STAG2: variants seen among roughly 807,000 people sequenced by gnomAD.
The protein encoded by STAG2 is STAG2 cohesin complex component, also known as cohesin subunit SA-2.
STAG2 carries 14 observed loss-of-function variants against 108.1 expected under a neutral mutation model. The ratio of observed to expected loss-of-function variants is 0.13; its 90% CI spans 0.09 to 0.20. STAG2 has a LOEUF of 0.20. STAG2 is among the 10% of genes least tolerant of loss of function. The pLI, the probability that STAG2 is intolerant of heterozygous loss-of-function variation, is 1.00. For missense variants in STAG2, 440 were observed against 940.9 expected (o/e 0.47, Z 6.96); for synonymous variants, 307 against 302.7 (o/e 1.01, Z -0.15).
At chrX:123,981,275 G>A (rs1417984059) in intron 1 of STAG2, among the ~76,000 whole-genome samples, 2 of 110,208 alleles carry the variant, frequency 1.8e-5, no homozygotes, top group Non-Finnish European at 3.8e-5. Flanking sequence ...TAATAAAACT[G>A]TACCCATTAA....
intron 32 of STAG2, among the ~76,000 whole-genome samples, chrX:124,093,212 T>G (rs2059296368): frequency 8.9e-6 from 1 of 111,787 alleles, no homozygotes. Flanking sequence ...ACTTTTGGTC[T>G]TAGTTTTTCA....
At chrX:123,980,284 G>A (rs184461606) in intron 1 of STAG2, among the ~76,000 whole-genome samples, 1 of 110,764 alleles carries the variant, frequency 9.0e-6, no homozygotes, top group East Asian at 2.8e-4. Flanking sequence ...TTTTGGTGGG[G>A]GTACTTAGAA....
At position 124,045,161 on chromosome X, in the gene STAG2, T is replaced by C. The variant is rs770545371; in HGVS notation, c.463-3T>C. The C allele has an allele frequency of 5.0e-6, 6 of 1,208,638 alleles. No individual in the cohort carries two copies. Among genetic ancestry groups the C allele is most frequent in the South Asian group, 3.5e-5 (2 of 56,692 alleles). ...AAATTGCTGTTTTAAATTTTTGTTT[T>C]AGGATAGTGGAGATTATCCACTTAC... On this transcript the variant is annotated splice_polypyrimidine_tract_variant and splice_region_variant and intron_variant, in intron 7 of 34. Transcript: ENST00000371145.
At chrX:124,050,533 T>G (rs1230743966) in intron 11 of STAG2, among the ~76,000 whole-genome samples, 1 of 111,685 alleles carries the variant, frequency 9.0e-6, no homozygotes, top group Non-Finnish European at 1.9e-5. Context: ...GTGAATCATT[T>G]TTTTGCTGAA....
intron 1 of STAG2, among the ~76,000 whole-genome samples, chrX:123,984,107 G>GTAGC (rs1320296758): frequency 9.4e-6 from 1 of 106,093 alleles, no homozygotes; most frequent in African/African-American, 3.5e-5. Context: ...GCCTTCCTGA[G>GTAGC]TAGCTGGGAT....
chrX:124,063,898 A>G lies in STAG2; in HGVS notation c.1872A>G (p.Thr624=), dbSNP rs2148326087. Residue 624 remains threonine, a synonymous_variant, in exon 20 of 35, where the codon ACA becomes ACG. Transcript: ENST00000371145. ...RQIRNIVEKH[T]DTDVLEACSK... ...TCCGGAATATTGTAGAGAAGCACAC[A>G]GATACAGATGTTTTGGAAGCATGTT... 8.3e-7 allele frequency: 1 copy of G among 1,211,219 alleles called. No homozygotes were observed. Among genetic ancestry groups the G allele is most frequent in the Non-Finnish European group, 1.1e-6 (1 of 894,946 alleles).
At chrX:124,018,662 G>C (rs1475116152) in intron 1 of STAG2, among the ~76,000 whole-genome samples, 1 of 110,389 alleles carries the variant, frequency 9.1e-6, no homozygotes, top group African/African-American at 3.3e-5. Context: ...CATCATGCCC[G>C]GCTGATTTTT....
chrX:124,043,388 T>C (rs1197921880), intron 7 of STAG2, among the ~76,000 whole-genome samples: 3 of 111,042 alleles, frequency 2.7e-5, no homozygotes, highest in African/African-American at 9.8e-5. Flanking sequence ...TTACCTCAAG[T>C]GACCCGCCCA....
Position 124,010,405 on chromosome X carries a change from T to A in STAG2, c.-162-10962T>A, listed in dbSNP as rs2056484562. Reference sequence around the variant, plus strand: ...TTGTCTTTTTTGTGACTAGCTTATTTCAGTTAGCATAATGCCCTTAGGGTC... The same window carrying A: ...TTGTCTTTTTTGTGACTAGCTTATTACAGTTAGCATAATGCCCTTAGGGTC... On this transcript the variant is annotated intron_variant, in intron 1 of 34. Coordinates refer to ENST00000371145, the MANE Select transcript of STAG2 (RefSeq NM_001042750.2). Among the ~76,000 whole-genome samples the A allele has an allele frequency of 2.7e-5, 3 of 111,918 alleles. No homozygotes were observed. In the South Asian group the frequency reaches 1.1e-3, roughly 41 times the overall value.
intron 24 of STAG2, among the ~76,000 whole-genome samples, chrX:124,070,668 T>C (rs1373018244): frequency 1.8e-5 from 2 of 112,163 alleles, no homozygotes; most frequent in African/African-American, 3.2e-5. Flanking sequence ...ATAAGTACCA[T>C]AGATTTTGTG....
chrX:124,097,022 TA>T (rs1290031295), intron 34 of STAG2, among the ~76,000 whole-genome samples: 1 of 109,124 alleles, frequency 9.2e-6, no homozygotes, highest in East Asian at 2.9e-4. Context: ...TTACAAAAAC[TA>T]AAAAAATTAG....
intron 14 of STAG2, among the ~76,000 whole-genome samples, chrX:124,057,001 C>T (rs2148273788): frequency 9.1e-6 from 1 of 109,339 alleles, no homozygotes. Flanking sequence ...GGTTCAGGTG[C>T]TTCTCATGGC....
At chrX:123,987,982 A>G (rs2055278173) in intron 1 of STAG2, among the ~76,000 whole-genome samples, 1 of 112,229 alleles carries the variant, frequency 8.9e-6, no homozygotes, top group Middle Eastern at 4.6e-3. Context: ...AAATCTACAA[A>G]GTCATACAGG....
chrX:124,074,967 T>C (rs1278226389), intron 25 of STAG2, among the ~76,000 whole-genome samples: 2 of 112,153 alleles, frequency 1.8e-5, no homozygotes, highest in South Asian at 3.7e-4. Flanking sequence ...TGTAATGATA[T>C]GTCTTAGGTT....
chrX:123,975,223 TAAAAAG>T (rs371538655), intron 1 of STAG2, among the ~76,000 whole-genome samples: 4 of 108,471 alleles, frequency 3.7e-5, no homozygotes, highest in African/African-American at 1.3e-4. Flanking sequence ...TCTACACTAT[TAAAAAG>T]AAGAAGATAA....
intron 13 of STAG2, 31 bp downstream of exon 13, chrX:124,051,425 A>C (rs1001564899): frequency 1.9e-6 from 2 of 1,065,084 alleles, no homozygotes; most frequent in African/African-American, 3.8e-5. Context: ...TATTTGCACT[A>C]ATGTTCAGAT....
intron 2 of STAG2, among the ~76,000 whole-genome samples, chrX:124,022,318 C>T (rs2056957301): frequency 9.2e-6 from 1 of 108,228 alleles, no homozygotes; most frequent in African/African-American, 3.4e-5. Flanking sequence ...TTGCAGTGAG[C>T]CGAGATCGTG....
intron 1 of STAG2, among the ~76,000 whole-genome samples, chrX:123,987,749 A>C (rs948322839): frequency 7.1e-5 from 8 of 112,178 alleles, no homozygotes; most frequent in Non-Finnish European, 1.3e-4. Flanking sequence ...AATAAGGGAT[A>C]ATTCAACATA....
intron 32 of STAG2, among the ~76,000 whole-genome samples, chrX:124,091,863 T>C (rs976084956): frequency 7.1e-5 from 8 of 112,567 alleles, no homozygotes; most frequent in African/African-American, 2.3e-4. Context: ...TTAAATACTT[T>C]GTTTTTACTG....
Sources: gnomAD v4.1 joint callset for allele counts (sites outside exome capture counted in the v4.1 genomes callset) on GRCh38, gnomAD v4.1.1 for gene constraint, MANE v1.5 for transcripts, NCBI Gene and HGNC (gene_info 2026-07-23, HGNC 2026-07-21) for gene names.